Variants in ARHGAP10 observed in about 807,000 individuals in gnomAD.
ARHGAP10 encodes the protein Rho GTPase activating protein 10.
In ARHGAP10, 87 loss-of-function variants were observed where a neutral mutation model predicts 108.6. The observed-to-expected ratio is 0.80, with a 90% confidence interval of 0.67 to 0.96. ARHGAP10 has a LOEUF of 0.96. Ranked by LOEUF, ARHGAP10 falls within the 40% of genes least tolerant of loss-of-function variation. The pLI is 0.00. For missense variants in ARHGAP10, 939 were observed against 954.5 expected (o/e 0.98, Z 0.21); for synonymous variants, 347 against 341.1 (o/e 1.02, Z -0.19).
Position 147,732,126 on chromosome 4 carries a change from T to A in ARHGAP10, c.-176T>A. The A allele has an allele frequency of 2.2e-6, 1 of 446,072 alleles. No homozygotes were observed. Among genetic ancestry groups the A allele is most frequent in the Non-Finnish European group, 3.5e-6 (1 of 284,246 alleles). 27.6% of individuals were successfully genotyped at this position (446,072 alleles called of 1,614,324 possible). A position where few individuals can be genotyped will look rare whatever the true frequency, so the allele number is the denominator to read the frequency against. ...TAGCGCTGGTCTCGGTGGCAGCTCC[T>A]CCGCGCCGCAGGACTCGGCTCTACG... On this transcript the variant is annotated 5_prime_UTR_variant, in exon 1 of 23. Transcript: ENST00000336498.
rs751712264 is a variant in ARHGAP10 at position 148,066,434 on chromosome 4, T to G, written c.2272+1927T>G. 4.9e-4 allele frequency among the ~76,000 whole-genome samples: 74 copies of G among 152,210 alleles called. 1 individual carries two copies. Among genetic ancestry groups the G allele is most frequent in the Non-Finnish European group, 8.4e-4 (57 of 68,046 alleles). Reference sequence around the variant, plus strand: ...GGTCAGTGCCTAAAGCCAATGCAGATCTGCCAGTTTGGATAAAAGAGGACA... The same window carrying G: ...GGTCAGTGCCTAAAGCCAATGCAGAGCTGCCAGTTTGGATAAAAGAGGACA... On this transcript the variant is annotated intron_variant, in intron 22 of 22. Transcript: ENST00000336498.
chr4:147,998,459 C>A (rs530390792), intron 18 of ARHGAP10, among the ~76,000 whole-genome samples: 2 of 152,314 alleles, frequency 1.3e-5, no homozygotes, highest in South Asian at 4.1e-4. Flanking sequence ...CTGGTCTACA[C>A]CATAGTGAAG....
At chr4:147,782,933 AAAATTATATATTATAT>A (rs1340304361) in intron 1 of ARHGAP10, among the ~76,000 whole-genome samples, 2 of 141,350 alleles carry the variant, frequency 1.4e-5, no homozygotes, top group Non-Finnish European at 3.1e-5. Context: ...TATAATATAT[AAAATTATATATTATAT>A]AAATTATATA....
At chr4:147,926,871 A>C (rs1208579347) in intron 13 of ARHGAP10, among the ~76,000 whole-genome samples, 4 of 152,172 alleles carry the variant, frequency 2.6e-5, no homozygotes, top group Non-Finnish European at 4.4e-5. Context: ...CATTGGGTTT[A>C]GTGGCTGGAA....
intron 1 of ARHGAP10, among the ~76,000 whole-genome samples, chr4:147,742,164 A>G (rs1172367358): frequency 2.6e-5 from 4 of 152,070 alleles, no homozygotes; most frequent in African/African-American, 9.7e-5. Context: ...CTTAAAAAAA[A>G]AAATGAGTGC....
chr4:147,918,152 T>TTTTTC (rs1737068114), intron 13 of ARHGAP10, among the ~76,000 whole-genome samples: 1 of 150,610 alleles, frequency 6.6e-6, no homozygotes, highest in African/African-American at 2.5e-5. Context: ...TTTTTTTTTT[T>TTTTTC]TGAGACAGAG....
chr4:147,957,500 G>A (rs1028090948), intron 16 of ARHGAP10, among the ~76,000 whole-genome samples: 1 of 152,130 alleles, frequency 6.6e-6, no homozygotes, highest in Non-Finnish European at 1.5e-5. Context: ...GTCATTTTCC[G>A]TGAACAGTGA....
At chr4:147,828,063 A>C (rs1355676730) in intron 3 of ARHGAP10, among the ~76,000 whole-genome samples, 4 of 152,200 alleles carry the variant, frequency 2.6e-5, no homozygotes, top group Non-Finnish European at 5.9e-5. Context: ...TCATTCACCC[A>C]AAGTGCTGGG....
intron 19 of ARHGAP10, among the ~76,000 whole-genome samples, chr4:148,035,754 A>G (rs1363300466): frequency 2.6e-5 from 4 of 152,208 alleles, no homozygotes; most frequent in Non-Finnish European, 5.9e-5. Flanking sequence ...AAACACAGTT[A>G]GCTTCTTTCC....
intron 18 of ARHGAP10, among the ~76,000 whole-genome samples, chr4:148,015,569 A>G (rs536863496): frequency 2.0e-5 from 3 of 152,272 alleles, no homozygotes; most frequent in African/African-American, 7.2e-5. Context: ...TTCTAGTTAA[A>G]TTTTCTAGAA....
At chr4:147,765,543 T>C (rs1729773826) in intron 1 of ARHGAP10, among the ~76,000 whole-genome samples, 1 of 152,244 alleles carries the variant, frequency 6.6e-6, no homozygotes, top group African/African-American at 2.4e-5. Flanking sequence ...CTCATGCCTG[T>C]AATCACAGCA....
chr4:147,754,631 T>G (rs1454383160), intron 1 of ARHGAP10, among the ~76,000 whole-genome samples: 1 of 152,186 alleles, frequency 6.6e-6, no homozygotes, highest in Non-Finnish European at 1.5e-5. Context: ...TTTTTTTTTT[T>G]GTCTTTCACC....
intron 13 of ARHGAP10, among the ~76,000 whole-genome samples, chr4:147,914,544 C>A: frequency 6.9e-6 from 1 of 145,600 alleles, no homozygotes. Flanking sequence ...TTTAATTACG[C>A]ATGTTCTGCG....
chr4:147,759,589 C>A (rs913432054), intron 1 of ARHGAP10, among the ~76,000 whole-genome samples: 3 of 151,810 alleles, frequency 2.0e-5, no homozygotes, highest in East Asian at 3.9e-4. Context: ...CGCCCCCCCC[C>A]CCCTTTAAAA....
At chr4:148,053,436 T>C (rs1373930000) in intron 20 of ARHGAP10, among the ~76,000 whole-genome samples, 2 of 152,200 alleles carry the variant, frequency 1.3e-5, no homozygotes, top group East Asian at 1.9e-4. Context: ...CACTTGAATC[T>C]GGTTGCTGCG....
At chr4:148,019,542 G>T (rs1165132130) in intron 18 of ARHGAP10, among the ~76,000 whole-genome samples, 4 of 152,038 alleles carry the variant, frequency 2.6e-5, no homozygotes, top group Non-Finnish European at 5.9e-5. Flanking sequence ...ACGAGGTCAG[G>T]AGTTAGAGAC....
intron 12 of ARHGAP10, among the ~76,000 whole-genome samples, chr4:147,912,560 T>C (rs941023395): frequency 5.0e-4 from 3 of 5,970 alleles, no homozygotes; most frequent in Admixed American, 4.6e-3. Context: ...TATATATATA[T>C]ATATATATAT....
At chr4:148,005,339 T>C (rs1221819585) in intron 18 of ARHGAP10, among the ~76,000 whole-genome samples, 1 of 152,128 alleles carries the variant, frequency 6.6e-6, no homozygotes, top group African/African-American at 2.4e-5. Flanking sequence ...ATCTGATCAC[T>C]TTGAGGGCTT....
intron 18 of ARHGAP10, among the ~76,000 whole-genome samples, chr4:148,022,610 A>T (rs540803043): frequency 7.2e-5 from 11 of 152,186 alleles, no homozygotes; most frequent in Non-Finnish European, 1.3e-4. Flanking sequence ...AGCACATTTT[A>T]ATTAATGTTG....
Sources: gnomAD v4.1 joint callset for allele counts (sites outside exome capture counted in the v4.1 genomes callset) on GRCh38, gnomAD v4.1.1 for gene constraint, MANE v1.5 for transcripts, NCBI Gene and HGNC (gene_info 2026-07-23, HGNC 2026-07-21) for gene names.